Variants in UBR4 observed in about 807,000 individuals in gnomAD.
UBR4 encodes the protein E3 ubiquitin-protein ligase UBR4.
In UBR4, 124 loss-of-function variants were observed where a neutral mutation model predicts 575.6. That is an observed-to-expected ratio of 0.22 (90% CI 0.19 to 0.25). The LOEUF is 0.25. Among genes scored for constraint, UBR4 ranks in the 10% least tolerant of loss-of-function variants. The pLI, the probability that UBR4 is intolerant of heterozygous loss-of-function variation, is 1.00. For missense variants in UBR4, 4,818 were observed against 6,478.8 expected (o/e 0.74, Z 8.80); for synonymous variants, 2,455 against 2,473.7 (o/e 0.99, Z 0.22).
chr1:19,101,556 C>T lies in UBR4; in HGVS notation c.12987G>A (p.Val4329=). 6.2e-7 allele frequency: 1 copy of T among 1,613,910 alleles called. No individual in the cohort carries two copies. Among genetic ancestry groups the T allele is most frequent in the Non-Finnish European group, 8.5e-7 (1 of 1,179,808 alleles). The change falls in exon 88 of 106, where the codon GTG becomes GTA. Residue 4329 remains valine, a synonymous_variant. Coordinates refer to ENST00000375254, the MANE Select transcript of UBR4 (RefSeq NM_020765.3). ...TGCTGCAGAGCCTCTCGAAGATGAA[C>T]ACCGGGGTCCGGTAGTCATCCAGAT... ...RYNLDDYRTP[V]FIFERLCSII...
At position 19,150,601 on chromosome 1, in the gene UBR4, G is replaced by C; in HGVS notation, c.7406C>G (p.Thr2469Arg). The change falls in exon 49 of 106, where the codon ACG (threonine) becomes AGG (arginine). Residue 2469 changes from threonine (T) to arginine (R), a missense_variant. Transcript: ENST00000375254. ...CCTCTCCAGGACAGTTCCACTGGTC[G>C]TAGTGGGGGCAGCTGAGTCGCTATC... Reference protein sequence around the residue: ...TGDSDSAAPTTTSGTVLERLV... With the variant: ...TGDSDSAAPTRTSGTVLERLV... The C allele has an allele frequency of 6.2e-7, 1 of 1,613,596 alleles. No homozygotes were observed. Among genetic ancestry groups the C allele is most frequent in the Non-Finnish European group, 8.5e-7 (1 of 1,180,036 alleles).
chr1:19,137,969 T>C (rs755958931), intron 60 of UBR4, 38 bp downstream of exon 60: 2 of 1,441,922 alleles, frequency 1.4e-6, no homozygotes, highest in Admixed American at 2.5e-5. Context: ...TAGTCTCAGA[T>C]AGGCAAGCCT....
chr1:19,143,224 AAGGAAGGAAGGC>A (rs772398554), intron 55 of UBR4, among the ~76,000 whole-genome samples: 4,948 of 112,504 alleles, frequency 0.044, 231 homozygotes, highest in African/African-American at 0.051. Context: ...GAAAGGAAGG[AAGGAAGGAAGGC>A]AGGAAGGAAG....
At chr1:19,102,679 C>T (rs544302171) in intron 87 of UBR4, among the ~76,000 whole-genome samples, 17 of 152,262 alleles carry the variant, frequency 1.1e-4, no homozygotes, top group Admixed American at 7.2e-4. Context: ...TCAGTTTTTG[C>T]GTTGAGCTTT....
At chr1:19,155,328 C>G (rs1430599630) in intron 43 of UBR4, 113 bp downstream of exon 43, 4 of 1,167,102 alleles carry the variant, frequency 3.4e-6, no homozygotes, top group Non-Finnish European at 4.8e-6. Context: ...AAAAAAAGAT[C>G]CAGTTAGATG....
At position 19,153,677 on chromosome 1, in the gene UBR4, T is replaced by C. The variant is rs3737266; in HGVS notation, c.6630+91A>G. 13,346 of 1,522,882 alleles carry C rather than the reference T, an allele frequency of 8.8e-3. 415 individuals carry two copies. Among genetic ancestry groups the C allele is most frequent in the East Asian group, 0.079 (3,496 of 44,280 alleles). The allele number at this position is 1,522,882 out of a possible 1,614,324, so 94.3% of individuals were successfully genotyped here. ...ACTGAAAATCTTTTATGGGCCTCCA[T>C]TGAAAGAGCTGGGAAAGTGAAATGA... On this transcript the variant is annotated intron_variant, in intron 45 of 105. Coordinates refer to ENST00000375254, the MANE Select transcript of UBR4 (RefSeq NM_020765.3). This position sits in a 1 kb window ranked among gnomAD's most constrained non-coding sequence, Gnocchi z 4.1.
chr1:19,161,083 C>T lies in UBR4; in HGVS notation c.5240G>A (p.Ser1747Asn), dbSNP rs200052907. The stretch of plus-strand genomic sequence containing the variant: ...TAGACTCTCTGAAATCCTGGGTTCA[C>T]TCTGAAATGCCGACTCCTTCATGGT... Reference protein sequence around the residue: ...SSTMKESAFQSEPRISESLVR... With the variant: ...SSTMKESAFQNEPRISESLVR... Residue 1747 changes from serine to asparagine, a missense_variant, in exon 38 of 106, where the codon AGT (serine) becomes AAT (asparagine). Transcript: ENST00000375254. The T allele has an allele frequency of 6.2e-7, 1 of 1,614,178 alleles. No homozygotes were observed. The highest frequency in any genetic ancestry group is 1.3e-5 in the African/African-American group (1 of 75,050).
chr1:19,130,430 C>T (rs1170230906), intron 60 of UBR4, among the ~76,000 whole-genome samples: 1 of 152,134 alleles, frequency 6.6e-6, no homozygotes, highest in African/African-American at 2.4e-5. Flanking sequence ...TCAGGAAGAT[C>T]ACTTGATCCC....
chr1:19,156,890 T>C lies in UBR4; in HGVS notation c.5796A>G (p.Gln1932=). The change falls in exon 41 of 106, where the codon CAA becomes CAG. Residue 1932 remains glutamine (Q), a synonymous_variant. Transcript: ENST00000375254. ...TVLQLSALLK[Q]ADSSKRKLTL... is the part of the protein sequence containing the mutation. ...TTAACTTCCTTTTGCTGGAATCTGCTTGCTTCAGGAGTGCAGAGAGCTGCA... is the reference window on the plus strand; with the variant it reads ...TTAACTTCCTTTTGCTGGAATCTGCCTGCTTCAGGAGTGCAGAGAGCTGCA... The C allele has an allele frequency of 6.2e-7, 1 of 1,614,144 alleles. No individual in the cohort carries two copies. Among genetic ancestry groups the C allele is most frequent in the South Asian group, 1.1e-5 (1 of 91,084 alleles).
chr1:19,123,175 G>T, intron 65 of UBR4, 115 bp from the exon 66 acceptor site: 1 of 1,127,156 alleles, frequency 8.9e-7, no homozygotes, highest in Non-Finnish European at 1.3e-6. Context: ...GGACAGGCCG[G>T]GCACGGTGGC....
In UBR4 at chr1:19,100,459, C is replaced by T. The variant is rs751005274; in HGVS notation, c.13138G>A (p.Gly4380Arg). 13 of 1,614,006 alleles carry T rather than the reference C, an allele frequency of 8.1e-6. No homozygotes were observed. The highest frequency in any genetic ancestry group is 7.7e-5 in the South Asian group (7 of 91,086). Residue 4380 changes from glycine (G) to arginine (R), a missense_variant, in exon 89 of 106, where the codon GGG becomes AGG. Coordinates refer to ENST00000375254, the MANE Select transcript of UBR4 (RefSeq NM_020765.3). This position sits in a 1 kb window ranked among gnomAD's most constrained non-coding sequence, Gnocchi z 4.2. ...TTCTTTATATCCCTCATCAGCGGCC[C>T]GATGCCTGGCTCATTGCTGCTATAC... ...NPYSSNEPGI[G>R]PLMRDIKNKI...
At position 19,199,031 on chromosome 1, in the gene UBR4, G is replaced by A. The variant is rs1368142738; in HGVS notation, c.379-103C>T. 5 of 1,408,576 alleles carry A rather than the reference G, an allele frequency of 3.5e-6. No individual in the cohort carries two copies. In the Admixed American group the frequency reaches 1.1e-4, roughly 32 times the overall value. 87.3% of individuals were successfully genotyped at this position (1,408,576 alleles called of 1,614,324 possible). The stretch of plus-strand genomic sequence containing the variant: ...CTAACTGGCACAGGGCCAAATTTAG[G>A]TTCATATAAACACTAAAGCAAAGAC... On this transcript the variant is annotated intron_variant, in intron 3 of 105. Coordinates refer to ENST00000375254, the MANE Select transcript of UBR4 (RefSeq NM_020765.3).
At chr1:19,140,339 T>C (rs553962411) in intron 58 of UBR4, among the ~76,000 whole-genome samples, 3 of 152,256 alleles carry the variant, frequency 2.0e-5, no homozygotes, top group African/African-American at 4.8e-5. Flanking sequence ...ATCCTGATGG[T>C]TGGTCACACT....
chr1:19,137,901 A>C, intron 60 of UBR4, 106 bp downstream of exon 60: 20 of 1,207,358 alleles, frequency 1.7e-5, no homozygotes, highest in Non-Finnish European at 2.2e-5. Context: ...TTTCAAAAGA[A>C]ATATGCTGTT....
intron 33 of UBR4, 139 bp downstream of exon 33, chr1:19,164,114 T>C (rs1037627404): frequency 1.0e-6 from 1 of 972,372 alleles, no homozygotes; most frequent in Non-Finnish European, 1.5e-6. Context: ...ACAGAGCTAT[T>C]TGCTACCCAC....
In UBR4 at chr1:19,153,262, T is replaced by C. The variant is rs760764032; in HGVS notation, c.6832+39A>G. The C allele has an allele frequency of 1.2e-6, 2 of 1,605,242 alleles. No homozygotes were observed. Among genetic ancestry groups the C allele is most frequent in the East Asian group, 4.5e-5 (2 of 44,816 alleles). On this transcript the variant is annotated intron_variant, in intron 46 of 105. Coordinates refer to ENST00000375254, the MANE Select transcript of UBR4 (RefSeq NM_020765.3). The surrounding 1 kb of genome is among the most constrained non-coding windows in gnomAD (Gnocchi z 4.1). ...TGAGTCACTGTCTAGAAGACCACCA[T>C]TCCTACTCCCCCACAAGTCATCTGA...
Position 19,138,043 on chromosome 1 carries a change from T to C in UBR4, c.8870A>G (p.Glu2957Gly). 6.3e-7 allele frequency: 1 copy of C among 1,579,468 alleles called. No homozygotes were observed. The highest frequency in any genetic ancestry group is 8.6e-7 in the Non-Finnish European group (1 of 1,157,912). ...QEGDGSEGEG[E>G]GETEGDVHTS... Reference sequence around the variant, plus strand: ...GTGGACATCTCCTTCAGTTTCTCCTTCTCCTTCTCCCTCGGAGCCATCTCC... The same window carrying C: ...GTGGACATCTCCTTCAGTTTCTCCTCCTCCTTCTCCCTCGGAGCCATCTCC... The change falls in exon 60 of 106, where the codon GAA (glutamate) becomes GGA (glycine). Residue 2957 changes from glutamate to glycine, a missense_variant. Glu to Gly is a moderately conservative substitution (Grantham distance 98, BLOSUM62 -2). Coordinates refer to ENST00000375254, the MANE Select transcript of UBR4 (RefSeq NM_020765.3).
chr1:19,117,707 T>A lies in UBR4; in HGVS notation c.10629+116A>T. The A allele has an allele frequency of 1.8e-6, 2 of 1,081,750 alleles. No individual in the cohort carries two copies. The highest frequency in any genetic ancestry group is 2.8e-6 in the Non-Finnish European group (2 of 726,508). The allele number at this position is 1,081,750 out of a possible 1,614,324, so 67.0% of individuals were successfully genotyped here. ...AAATGTGGCAGATAAAAATTCCTACTATCGGTGACCAACCATTAGGAGAGG... is the reference window on the plus strand; with the variant it reads ...AAATGTGGCAGATAAAAATTCCTACAATCGGTGACCAACCATTAGGAGAGG... On this transcript the variant is annotated intron_variant, in intron 72 of 105. Transcript: ENST00000375254. This position sits in a 1 kb window ranked among gnomAD's most constrained non-coding sequence, Gnocchi z 4.0.
intron 60 of UBR4, among the ~76,000 whole-genome samples, chr1:19,131,102 T>C (rs1203521998): frequency 6.6e-6 from 1 of 150,930 alleles, no homozygotes; most frequent in South Asian, 2.1e-4. Flanking sequence ...AGAGACAGGG[T>C]CTCCCTATGT....
Sources: gnomAD v4.1 joint callset for allele counts (sites outside exome capture counted in the v4.1 genomes callset) on GRCh38, gnomAD v4.1.1 for gene constraint, Gnocchi (gnomAD v3.1) non-coding constraint, MANE v1.5 for transcripts, NCBI Gene and HGNC (gene_info 2026-07-23, HGNC 2026-07-21) for gene names.